SARNP: variants seen among roughly 807,000 people sequenced by gnomAD.
SARNP encodes SAP domain containing ribonucleoprotein, also known as SAP domain-containing ribonucleoprotein.
Under a neutral mutation model 38.1 loss-of-function variants are expected in SARNP, and 5 were observed. The observed-to-expected ratio is 0.13, with a 90% CI of 0.07 to 0.28. The LOEUF is 0.28. SARNP is among the 10% of genes least tolerant of loss of function. The pLI, the probability that SARNP is intolerant of heterozygous loss-of-function variation, is 1.00. For synonymous variants in SARNP, 84 were observed against 80.6 expected (o/e 1.04, Z -0.23); for missense variants, 180 against 243.9 (o/e 0.74, Z 1.75).
intron 9 of SARNP, among the ~76,000 whole-genome samples, chr12:55,772,673 T>C (rs1190151622): frequency 6.6e-6 from 1 of 151,154 alleles, no homozygotes; most frequent in African/African-American, 2.4e-5. Flanking sequence ...ATGCAGAGCC[T>C]GGCAGAAATG....
At chr12:55,788,252 A>G (rs1879562910) in intron 9 of SARNP, among the ~76,000 whole-genome samples, 1 of 152,210 alleles carries the variant, frequency 6.6e-6, no homozygotes, top group Non-Finnish European at 1.5e-5. Context: ...CACCCCACAT[A>G]GCATGAAGTA....
At chr12:55,755,326 G>C (rs745551830), downstream of SARNP, 5 of 151,958 alleles carry the variant, frequency 3.3e-5, no homozygotes, top group Non-Finnish European at 7.4e-5. Flanking sequence ...GAGGTGGGGT[G>C]GGGGGCTGGG....
intron 8 of SARNP, among the ~76,000 whole-genome samples, chr12:55,790,172 TAAA>T (rs761294546): frequency 2.2e-5 from 3 of 134,688 alleles, no homozygotes; most frequent in Non-Finnish European, 3.2e-5. Flanking sequence ...GATAGTATTT[TAAA>T]AAAAAAAAAA....
intron 10 of SARNP, 119 bp downstream of exon 10, chr12:55,760,419 AGAGACCCCAACTC>A (rs1157988500): frequency 1.6e-6 from 1 of 613,584 alleles, no homozygotes; most frequent in Non-Finnish European, 2.9e-6. Context: ...CCTGGGCAAC[AGAGACCCCAACTC>A]GACTTAAATA....
intron 7 of SARNP, chr12:55,794,121 T>C: frequency 2.0e-6 from 1 of 504,706 alleles, no homozygotes; most frequent in Non-Finnish European, 3.5e-6. Flanking sequence ...TTTGAAGATG[T>C]TCAAGAAAAG....
intron 7 of SARNP, among the ~76,000 whole-genome samples, chr12:55,791,681 CAA>C (rs1879673940): frequency 6.7e-6 from 1 of 149,532 alleles, no homozygotes. Flanking sequence ...GGCGACAGAG[CAA>C]GACTCCATCT....
At chr12:55,810,634 GAA>G (rs1880299038) in intron 1 of SARNP, among the ~76,000 whole-genome samples, 1 of 151,616 alleles carries the variant, frequency 6.6e-6, no homozygotes, top group African/African-American at 2.4e-5. Flanking sequence ...GTATTTTTTA[GAA>G]GAGATGGGAT....
chr12:55,805,243 A>C (rs1023596045), intron 1 of SARNP, among the ~76,000 whole-genome samples: 5 of 152,246 alleles, frequency 3.3e-5, no homozygotes, highest in African/African-American at 1.2e-4. Context: ...CCTGGGCGAA[A>C]GTGCGAGACT....
At chr12:55,796,140 G>A in intron 4 of SARNP, 64 bp from the exon 5 acceptor site, 6 of 1,178,896 alleles carry the variant, frequency 5.1e-6, no homozygotes, top group Non-Finnish European at 7.6e-6. Context: ...CCTCAGAAAT[G>A]TGTAAGAATT....
At chr12:55,760,939 G>A (rs1322218754) in intron 9 of SARNP, among the ~76,000 whole-genome samples, 1 of 152,138 alleles carries the variant, frequency 6.6e-6, no homozygotes, top group Non-Finnish European at 1.5e-5. Flanking sequence ...CACTTTGGGA[G>A]GCTGAGGCGG....
At chr12:55,778,052 A>G (rs1879234145) in intron 9 of SARNP, among the ~76,000 whole-genome samples, 2 of 152,228 alleles carry the variant, frequency 1.3e-5, no homozygotes, top group South Asian at 2.1e-4. Context: ...GTTACAGACA[A>G]AAGACAAGTT....
rs143012098 is a variant in SARNP at position 55,767,251 on chromosome 12, T to G, written c.502-6611A>C. 1.1e-3 allele frequency among the ~76,000 whole-genome samples: 169 copies of G among 152,100 alleles called. 3 individuals carry two copies. In the East Asian group the frequency reaches 0.03, roughly 27 times the overall value. ...GCCATTCATTCTTCTAGATAAGAAG[T>G]GAAATCATGGTGGCCTAGTGTGGTG... On this transcript the variant is annotated intron_variant, in intron 9 of 10. Transcript: ENST00000336133.
At chr12:55,800,809 G>A (rs1449275776) in intron 3 of SARNP, 45 bp downstream of exon 3, 1 of 1,515,832 alleles carries the variant, frequency 6.6e-7, no homozygotes. Flanking sequence ...TGTGGCCAAA[G>A]CAGTGGCACA....
intron 1 of SARNP, among the ~76,000 whole-genome samples, chr12:55,806,255 T>A (rs1256687863): frequency 6.6e-6 from 1 of 151,758 alleles, no homozygotes. Context: ...AGGGTTGTTA[T>A]GAAGACTAAA....
intron 9 of SARNP, 40 bp downstream of exon 9, chr12:55,789,035 T>A: frequency 7.2e-7 from 1 of 1,388,924 alleles, no homozygotes; most frequent in Non-Finnish European, 1.0e-6. Context: ...TAAGCTGCTC[T>A]AATGTCACAA....
rs1253443318 is a variant in SARNP, at chr12:55,803,537, C to T, written c.136+92G>A. Reference sequence around the variant, plus strand: ...TGCCGTTAATTAAGAGCTTACATTGCTAATGACCTGAAAAAAAAAAAAGAA... The same window carrying T: ...TGCCGTTAATTAAGAGCTTACATTGTTAATGACCTGAAAAAAAAAAAAGAA... On this transcript the variant is annotated intron_variant, in intron 2 of 10. Transcript: ENST00000336133. 4.7e-5 allele frequency: 34 copies of T among 727,938 alleles called. No individual in the cohort carries two copies. The East Asian group carries it at 7.9e-4, about 17-fold the overall frequency. The allele number at this position is 727,938 out of a possible 1,614,324, so 45.1% of individuals were successfully genotyped here.
chr12:55,760,465 T>C (rs1306989624), intron 10 of SARNP, 86 bp downstream of exon 10: 7 of 787,672 alleles, frequency 8.9e-6, no homozygotes, highest in Admixed American at 2.1e-5. Flanking sequence ...AATAAATAAA[T>C]AGGTGGGGAA....
chr12:55,793,013 C>T (rs992893741), intron 7 of SARNP: 2 of 152,096 alleles, frequency 1.3e-5, no homozygotes, highest in African/African-American at 4.8e-5. Context: ...CTGTTTCAGG[C>T]TCGGCACACC....
chr12:55,793,075 G>C (rs1274478165), intron 7 of SARNP: 5 of 152,096 alleles, frequency 3.3e-5, no homozygotes, highest in Non-Finnish European at 7.3e-5. Flanking sequence ...TTGAGGTTAG[G>C]AGTTCAAGAC....
Sources: allele counts gnomAD v4.1 joint callset (sites outside exome capture counted in the v4.1 genomes callset), GRCh38; gene constraint gnomAD v4.1.1; transcripts MANE v1.5; gene names NCBI Gene and HGNC (gene_info 2026-07-23, HGNC 2026-07-21).